The following H3-3A variants were observed in gnomAD, a reference collection of about 807,000 sequenced individuals.
The protein encoded by H3-3A is H3.3 histone A.
For missense variants in H3-3A, 7 were observed against 184.0 expected, an observed-to-expected ratio of 0.04 and a Z score of 5.57; for synonymous variants, 49 against 61.4, an observed-to-expected ratio of 0.80 and a Z score of 0.95.
intron 3 of H3-3A, among the ~76,000 whole-genome samples, chr1:226,070,605 C>G (rs1199518034): frequency 6.6e-6 from 1 of 152,008 alleles, no homozygotes; most frequent in Non-Finnish European, 1.5e-5. Context: ...AACCCCTTCT[C>G]TACTAAAAAT....
intron 3 of H3-3A, among the ~76,000 whole-genome samples, chr1:226,069,326 C>T (rs1054086625): frequency 1.3e-5 from 2 of 151,802 alleles, no homozygotes; most frequent in Non-Finnish European, 2.9e-5. Context: ...GGATTACAGG[C>T]GTGAGCCACC....
chr1:226,068,515 G>T (rs536171329), intron 3 of H3-3A, among the ~76,000 whole-genome samples: 2 of 152,254 alleles, frequency 1.3e-5, no homozygotes, highest in South Asian at 4.1e-4. Context: ...TATAATAGCT[G>T]ATATGCGTTG....
At chr1:226,066,407 G>T (rs1657925988) in intron 3 of H3-3A, 1 of 152,462 alleles carries the variant, frequency 6.6e-6, no homozygotes, top group African/African-American at 2.4e-5. Context: ...TTCCTAAAGG[G>T]GATTAGGGAT....
At chr1:226,064,912 G>C (rs1657874049) in intron 2 of H3-3A, among the ~76,000 whole-genome samples, 1 of 152,094 alleles carries the variant, frequency 6.6e-6, no homozygotes, top group African/African-American at 2.4e-5. Flanking sequence ...TACTTGATTA[G>C]CTTATTTCCT....
chr1:226,062,214 C>G (rs1298491105), upstream of H3-3A: 2 of 151,334 alleles, frequency 1.3e-5, no homozygotes, highest in Non-Finnish European at 3.0e-5. Context: ...CCGCCCGGGT[C>G]TCCTCGGGGG....
intron 3 of H3-3A, among the ~76,000 whole-genome samples, chr1:226,070,569 C>G (rs12096468): frequency 6.6e-6 from 1 of 151,854 alleles, no homozygotes; most frequent in Non-Finnish European, 1.5e-5. Context: ...GTCAGGAGTT[C>G]GAGACCAGCC....
At chr1:226,070,040 A>AGG (rs1365384159) in intron 3 of H3-3A, among the ~76,000 whole-genome samples, 1 of 152,206 alleles carries the variant, frequency 6.6e-6, no homozygotes, top group Non-Finnish European at 1.5e-5. Flanking sequence ...ATAACTTGAA[A>AGG]GGATCTTACA....
chr1:226,071,197 A>G (rs930995370), intron 3 of H3-3A, among the ~76,000 whole-genome samples, 154 bp from the exon 4 acceptor site: 2 of 152,212 alleles, frequency 1.3e-5, no homozygotes, highest in African/African-American at 4.8e-5. Context: ...TTTGTCCCAC[A>G]GGTTGTAAAA....
intron 3 of H3-3A, 132 bp downstream of exon 3, chr1:226,065,941 G>C (rs2102737192): frequency 7.8e-6 from 6 of 767,098 alleles, no homozygotes; most frequent in African/African-American, 1.7e-5. Flanking sequence ...CTTCACTGTT[G>C]AGACTTCAGA....
chr1:226,069,799 C>G (rs1053923576), intron 3 of H3-3A, among the ~76,000 whole-genome samples: 2 of 152,088 alleles, frequency 1.3e-5, no homozygotes, highest in African/African-American at 4.8e-5. Flanking sequence ...CCACTGCACT[C>G]CAGCCAGGGC....
intron 1 of H3-3A, among the ~76,000 whole-genome samples, chr1:226,063,453 G>A (rs1247355313): frequency 6.6e-6 from 1 of 152,212 alleles, no homozygotes; most frequent in East Asian, 1.9e-4. Flanking sequence ...GGCGGCACGT[G>A]GCAGGGGATA....
chr1:226,065,606 T>G, intron 2 of H3-3A, 50 bp from the exon 3 acceptor site: 1 of 1,386,204 alleles, frequency 7.2e-7, no homozygotes, highest in Non-Finnish European at 9.8e-7. Flanking sequence ...CACTTACCTT[T>G]TTGTGCTAGT....
intron 2 of H3-3A, 85 bp downstream of exon 2, chr1:226,064,564 CTT>C (rs1321486574): frequency 2.5e-6 from 3 of 1,195,484 alleles, no homozygotes; most frequent in African/African-American, 1.6e-5. Flanking sequence ...AACAGGAAAA[CTT>C]TTTGCTTTAG....
intron 1 of H3-3A, among the ~76,000 whole-genome samples, chr1:226,063,638 C>T (rs1657816666): frequency 6.6e-6 from 1 of 152,060 alleles, no homozygotes; most frequent in African/African-American, 2.4e-5. Context: ...GAGGCAAAAC[C>T]AAAAGTTTAT....
At chr1:226,070,261 C>T (rs544644324) in intron 3 of H3-3A, among the ~76,000 whole-genome samples, 1 of 151,984 alleles carries the variant, frequency 6.6e-6, no homozygotes, top group African/African-American at 2.4e-5. Flanking sequence ...GCAGGAGGAT[C>T]ACGAGGTCAG....
intron 1 of H3-3A, chr1:226,064,120 T>TA: frequency 2.4e-6 from 1 of 415,608 alleles, no homozygotes; most frequent in South Asian, 3.3e-5. Flanking sequence ...AGGTGATTGA[T>TA]ACTGCTAACA....
intron 3 of H3-3A, among the ~76,000 whole-genome samples, chr1:226,069,387 G>A (rs1658028849): frequency 6.6e-6 from 1 of 152,042 alleles, no homozygotes; most frequent in Non-Finnish European, 1.5e-5. Flanking sequence ...GCAACTATAA[G>A]ACTGTTTTCT....
chr1:226,067,534 T>C (rs1657968946), intron 3 of H3-3A, among the ~76,000 whole-genome samples: 1 of 151,778 alleles, frequency 6.6e-6, no homozygotes, highest in Non-Finnish European at 1.5e-5. Flanking sequence ...AGGTCAGGAG[T>C]TCCAGACCAG....
intron 2 of H3-3A, among the ~76,000 whole-genome samples, chr1:226,064,910 T>G (rs1267669329): frequency 6.6e-6 from 1 of 152,232 alleles, no homozygotes; most frequent in African/African-American, 2.4e-5. Flanking sequence ...TTTACTTGAT[T>G]AGCTTATTTC....
Sources: allele counts gnomAD v4.1 joint callset (sites outside exome capture counted in the v4.1 genomes callset), GRCh38; gene constraint gnomAD v4.1.1; transcripts MANE v1.5; gene names NCBI Gene and HGNC (gene_info 2026-07-23, HGNC 2026-07-21).